Variants in RGS22 observed in about 807,000 individuals in gnomAD.
RGS22 encodes the protein regulator of G-protein signaling 22.
RGS22 carries 148 observed loss-of-function variants against 172.9 expected under a neutral mutation model. The observed-to-expected ratio is 0.86, with a 90% CI of 0.75 to 0.98. The LOEUF is 0.98. Among genes scored for constraint, RGS22 ranks in the 50% least tolerant of loss-of-function variants. RGS22 has a pLI of 0.00. For missense variants in RGS22, 1,347 were observed against 1,440.8 expected (o/e 0.93, Z 1.05); for synonymous variants, 458 against 480.2 (o/e 0.95, Z 0.60).
chr8:100,061,650 G>C (rs567511173), intron 9 of RGS22, among the ~76,000 whole-genome samples: 1 of 152,232 alleles, frequency 6.6e-6, no homozygotes, highest in East Asian at 1.9e-4. Flanking sequence ...AAAAATAACA[G>C]ATGCTGATGA....
chr8:99,962,377 T>C lies in RGS22; in HGVS notation c.*45+17A>G. On this transcript the variant is annotated intron_variant, in intron 27 of 27. Transcript: ENST00000360863. ...AGGACATGTGTGGGACCAACCAACA[T>C]TCAGACTATGACGTACCTTGAACCT... 2 of 1,577,184 alleles carry C rather than the reference T, an allele frequency of 1.3e-6. No individual in the cohort carries two copies. Among genetic ancestry groups the C allele is most frequent in the Non-Finnish European group, 1.7e-6 (2 of 1,147,116 alleles).
chr8:100,021,080 T>C (rs768519514), intron 14 of RGS22, among the ~76,000 whole-genome samples: 4 of 152,236 alleles, frequency 2.6e-5, no homozygotes, highest in Non-Finnish European at 4.4e-5. Flanking sequence ...AAGGCAAATA[T>C]ACTTCTCTTC....
At chr8:100,015,728 T>G (rs754129072) in intron 14 of RGS22, among the ~76,000 whole-genome samples, 13 of 152,206 alleles carry the variant, frequency 8.5e-5, no homozygotes, top group Non-Finnish European at 1.6e-4. Context: ...CAAAAACAAA[T>G]ATCAGGAGGA....
intron 26 of RGS22, 23 bp from the exon 27 acceptor site, chr8:99,962,466 T>G: frequency 6.2e-7 from 1 of 1,610,946 alleles, no homozygotes; most frequent in Non-Finnish European, 8.5e-7. Flanking sequence ...TGAAGTTTTA[T>G]GTATATATTT....
intron 2 of RGS22, among the ~76,000 whole-genome samples, chr8:100,094,829 T>A (rs1812841446): frequency 6.6e-6 from 1 of 152,230 alleles, no homozygotes; most frequent in Admixed American, 6.5e-5. Context: ...CTAATTCTTA[T>A]GAGAAAACAT....
chr8:99,972,283 A>C (rs1811447450), intron 23 of RGS22, among the ~76,000 whole-genome samples: 1 of 152,198 alleles, frequency 6.6e-6, no homozygotes, highest in South Asian at 2.1e-4. Flanking sequence ...ATAAAACCTA[A>C]AACAATTAAA....
intron 10 of RGS22, among the ~76,000 whole-genome samples, chr8:100,048,504 A>G (rs1820960591): frequency 6.6e-6 from 1 of 152,138 alleles, no homozygotes; most frequent in Non-Finnish European, 1.5e-5. Flanking sequence ...AGAATACTAT[A>G]TACATTGCAA....
At position 100,063,757 on chromosome 8, in the gene RGS22, T is replaced by G; in HGVS notation, c.1011A>C (p.Gly337=). The G allele has an allele frequency of 6.2e-7, 1 of 1,614,112 alleles. No homozygotes were observed. Among genetic ancestry groups the G allele is most frequent in the Non-Finnish European group, 8.5e-7 (1 of 1,180,000 alleles). ...AIQQIVGKPV[G]ETPDYINFNN... Reference sequence around the variant, plus strand: ...TGAAGTTTATATAGTCTGGGGTTTCTCCAACTGGCTTTCCAACAATTTGCT... The same window carrying G: ...TGAAGTTTATATAGTCTGGGGTTTCGCCAACTGGCTTTCCAACAATTTGCT... Residue 337 remains glycine, a synonymous_variant, in exon 8 of 28, where the codon GGA becomes GGC. Transcript: ENST00000360863.
intron 3 of RGS22, among the ~76,000 whole-genome samples, chr8:100,081,646 A>C (rs900323128): frequency 1.3e-5 from 2 of 152,048 alleles, no homozygotes; most frequent in African/African-American, 4.8e-5. Flanking sequence ...TGGGATTCAA[A>C]CAGGCACCAT....
At chr8:100,088,960 A>G (rs893165921) in intron 3 of RGS22, among the ~76,000 whole-genome samples, 38 of 152,054 alleles carry the variant, frequency 2.5e-4, no homozygotes, top group Admixed American at 2.5e-3. Flanking sequence ...AGGAGGCAGG[A>G]GAAAAGATTA....
chr8:100,063,335 C>A lies in RGS22; in HGVS notation c.1352+81G>T, dbSNP rs1003187261. ...TACATTTTTTAAAATTTACTTTGGG[C>A]TTTCTCCCTGTGCTAAATAACCCAA... is the stretch of plus-strand genomic sequence containing the variant. On this transcript the variant is annotated intron_variant, in intron 8 of 27. Transcript: ENST00000360863. 8.1e-6 allele frequency: 8 copies of A among 993,646 alleles called. 1 individual carries two copies. The South Asian group carries it at 1.7e-4, about 21-fold the overall frequency. 61.6% of individuals were successfully genotyped at this position (993,646 alleles called of 1,614,324 possible).
At chr8:100,004,985 C>T (rs1815529086) in intron 16 of RGS22, among the ~76,000 whole-genome samples, 1 of 151,884 alleles carries the variant, frequency 6.6e-6, no homozygotes, top group Non-Finnish European at 1.5e-5. Context: ...TAATTCATCT[C>T]CCTATTTGTT....
At chr8:100,100,599 A>G (rs1017082701) in intron 2 of RGS22, among the ~76,000 whole-genome samples, 2 of 152,084 alleles carry the variant, frequency 1.3e-5, no homozygotes, top group Non-Finnish European at 1.5e-5. Context: ...CTTTTTCTGA[A>G]TATTTTCAAT....
Position 99,972,951 on chromosome 8 carries a change from G to GCT in RGS22, c.3519+4965_3519+4966insAG. Among the ~76,000 whole-genome samples, 7 of 146,636 alleles carry GCT rather than the reference G, an allele frequency of 4.8e-5. No individual in the cohort carries two copies. In the Admixed American group the frequency reaches 4.8e-4, roughly 10 times the overall value. The stretch of plus-strand genomic sequence containing the variant: ...CGGGAGGCTGAGGCAGGAGAATGGT[G>GCT]TGAACTCGGGAGGCAGAGCTTGACT... On this transcript the variant is annotated intron_variant, in intron 23 of 27. Transcript: ENST00000360863.
chr8:99,966,861 C>A (rs1336241540), intron 23 of RGS22, among the ~76,000 whole-genome samples: 1 of 152,216 alleles, frequency 6.6e-6, no homozygotes. Flanking sequence ...TTACTGCCTT[C>A]TATCCCCAGC....
intron 14 of RGS22, 63 bp downstream of exon 14, chr8:100,038,868 C>T (rs751572695): frequency 9.7e-7 from 1 of 1,036,018 alleles, no homozygotes; most frequent in Non-Finnish European, 1.4e-6. Flanking sequence ...TGGGACTGGA[C>T]ACAATTTTCA....
intron 23 of RGS22, among the ~76,000 whole-genome samples, chr8:99,977,261 G>A (rs866176579): frequency 1.4e-5 from 2 of 147,136 alleles, no homozygotes; most frequent in Non-Finnish European, 1.5e-5. Context: ...AAGCTGCCAC[G>A]CCCGGTTAAT....
chr8:99,985,659 T>C (rs908492408), intron 21 of RGS22, among the ~76,000 whole-genome samples: 10 of 152,228 alleles, frequency 6.6e-5, no homozygotes, highest in African/African-American at 2.4e-4. Flanking sequence ...TGAACAAATT[T>C]ACTCCTATAG....
rs145849704 is a variant in RGS22, at chr8:99,986,654, C to T, written c.3180+804G>A. ...TGTATGATTACATTAAACACTTAAC[C>T]CTGAAAATAAACTGTCTTTGTACCT... On this transcript the variant is annotated intron_variant, in intron 21 of 27. Transcript: ENST00000360863. 1.4e-4 allele frequency among the ~76,000 whole-genome samples: 22 copies of T among 152,296 alleles called. No individual in the cohort carries two copies. The East Asian group carries it at 4.2e-3, about 29-fold the overall frequency.
Sources: gnomAD v4.1 joint callset for allele counts (sites outside exome capture counted in the v4.1 genomes callset) on GRCh38, gnomAD v4.1.1 for gene constraint, MANE v1.5 for transcripts, NCBI Gene and HGNC (gene_info 2026-07-23, HGNC 2026-07-21) for gene names.